The following DNAJC1 variants were observed in gnomAD, a reference collection of about 807,000 sequenced individuals.
DNAJC1 encodes dnaJ homolog subfamily C member 1.
DNAJC1 carries 58 observed loss-of-function variants against 76.6 expected under a neutral mutation model. That is an observed-to-expected ratio of 0.76 (90% CI 0.61 to 0.94). The LOEUF (loss-of-function observed/expected upper bound fraction) is 0.94. Among genes scored for constraint, DNAJC1 ranks in the 40% least tolerant of loss-of-function variants. DNAJC1 has a pLI of 0.00. For missense variants in DNAJC1, 689 were observed against 677.3 expected (o/e 1.02, Z -0.19); for synonymous variants, 258 against 267.9 (o/e 0.96, Z 0.36).
intron 8 of DNAJC1, among the ~76,000 whole-genome samples, chr10:21,876,874 A>T (rs933859599): frequency 2.0e-5 from 3 of 152,224 alleles, no homozygotes; most frequent in African/African-American, 7.2e-5. Context: ...ATCACTACTT[A>T]ATGCCAAACA....
chr10:21,939,758 T>TA (rs1163432123), intron 1 of DNAJC1, among the ~76,000 whole-genome samples: 1 of 152,124 alleles, frequency 6.6e-6, no homozygotes, highest in African/African-American at 2.4e-5. Flanking sequence ...TCCCCATCAT[T>TA]AAGCAGTACT....
intron 8 of DNAJC1, among the ~76,000 whole-genome samples, chr10:21,842,333 G>A (rs943609359): frequency 2.6e-5 from 4 of 152,094 alleles, no homozygotes; most frequent in Non-Finnish European, 5.9e-5. Flanking sequence ...TAGCAGGCAT[G>A]AGATAATAAG....
intron 6 of DNAJC1, among the ~76,000 whole-genome samples, chr10:21,905,508 A>G (rs1836729656): frequency 6.6e-6 from 1 of 152,094 alleles, no homozygotes; most frequent in East Asian, 1.9e-4. Context: ...CATTATTCTG[A>G]TGAACTCTTA....
At chr10:21,794,832 T>A (rs1195729718) in intron 9 of DNAJC1, among the ~76,000 whole-genome samples, 1 of 152,100 alleles carries the variant, frequency 6.6e-6, no homozygotes, top group Non-Finnish European at 1.5e-5. Flanking sequence ...ATGAAAGACT[T>A]GAGTCCATAA....
At chr10:21,993,953 G>GGTAGAGAA (rs1417108951) in intron 1 of DNAJC1, among the ~76,000 whole-genome samples, 1 of 152,000 alleles carries the variant, frequency 6.6e-6, no homozygotes. Flanking sequence ...AGTAGTCCAA[G>GGTAGAGAA]AGTCATTTGC....
intron 8 of DNAJC1, among the ~76,000 whole-genome samples, chr10:21,840,994 C>A (rs909362484): frequency 1.9e-4 from 29 of 152,266 alleles, no homozygotes; most frequent in African/African-American, 6.0e-4. Context: ...CAAAAACAAG[C>A]AATGGGGAAA....
intron 7 of DNAJC1, among the ~76,000 whole-genome samples, chr10:21,890,077 G>A (rs1836435837): frequency 6.6e-6 from 1 of 152,146 alleles, no homozygotes; most frequent in Non-Finnish European, 1.5e-5. Flanking sequence ...CCACCCAGAA[G>A]TAATAGGTGT....
chr10:21,979,679 C>A (rs985255224), intron 1 of DNAJC1, among the ~76,000 whole-genome samples: 2 of 151,370 alleles, frequency 1.3e-5, no homozygotes, highest in Non-Finnish European at 3.0e-5. Flanking sequence ...AGACAGAATA[C>A]CTGTAAAGGA....
chr10:21,904,800 A>G (rs557348081), intron 6 of DNAJC1, among the ~76,000 whole-genome samples, 188 bp from the exon 7 acceptor site: 1 of 152,290 alleles, frequency 6.6e-6, no homozygotes, highest in Admixed American at 6.5e-5. Flanking sequence ...GCCAGTTACA[A>G]TGAGAAATTT....
chr10:21,769,938 G>A (rs541565771), intron 9 of DNAJC1, among the ~76,000 whole-genome samples: 19 of 152,082 alleles, frequency 1.2e-4, no homozygotes, highest in Admixed American at 7.9e-4. Flanking sequence ...CACCCACCTC[G>A]GCCTCCCAAA....
intron 8 of DNAJC1, among the ~76,000 whole-genome samples, chr10:21,859,019 G>A (rs1835883523): frequency 6.6e-6 from 1 of 151,952 alleles, no homozygotes; most frequent in Non-Finnish European, 1.5e-5. Flanking sequence ...AAAATGTCAG[G>A]CAGTTAAAAA....
intron 6 of DNAJC1, among the ~76,000 whole-genome samples, chr10:21,910,124 T>C (rs556360339): frequency 3.9e-5 from 6 of 152,140 alleles, no homozygotes; most frequent in Admixed American, 3.9e-4. Flanking sequence ...CCTTTTTTTT[T>C]TTTCTTTTTC....
chr10:21,923,732 T>G (rs1412304548), intron 3 of DNAJC1, among the ~76,000 whole-genome samples: 1 of 151,812 alleles, frequency 6.6e-6, no homozygotes, highest in Non-Finnish European at 1.5e-5. Flanking sequence ...AAAATATACA[T>G]CAAGAACATA....
chr10:21,814,795 A>G (rs1358818041), intron 8 of DNAJC1, among the ~76,000 whole-genome samples: 1 of 152,234 alleles, frequency 6.6e-6, no homozygotes, highest in Non-Finnish European at 1.5e-5. Context: ...ATAGAATGCT[A>G]AATCCAGTGA....
chr10:21,964,389 G>C (rs1837852723), intron 1 of DNAJC1, among the ~76,000 whole-genome samples: 2 of 151,712 alleles, frequency 1.3e-5, no homozygotes, highest in South Asian at 2.1e-4. Flanking sequence ...TAATTTTTTT[G>C]TATTTTTAGA....
chr10:21,905,528 G>GA (rs1451294779), intron 6 of DNAJC1, among the ~76,000 whole-genome samples: 2 of 152,038 alleles, frequency 1.3e-5, no homozygotes, highest in East Asian at 3.9e-4. Flanking sequence ...ATTAATCCCT[G>GA]AAAACCCATT....
intron 9 of DNAJC1, among the ~76,000 whole-genome samples, chr10:21,793,093 G>A (rs976059094): frequency 2.0e-5 from 3 of 152,120 alleles, no homozygotes; most frequent in African/African-American, 7.2e-5. Context: ...ATCATCCGAG[G>A]TCAGGAGTTC....
At chr10:21,822,733 A>T (rs1835181983) in intron 8 of DNAJC1, among the ~76,000 whole-genome samples, 1 of 152,104 alleles carries the variant, frequency 6.6e-6, no homozygotes, top group Non-Finnish European at 1.5e-5. Context: ...AAACATATCA[A>T]GCCAAATTGC....
chr10:21,865,178 T>G (rs1460965810), intron 8 of DNAJC1, among the ~76,000 whole-genome samples: 2 of 152,122 alleles, frequency 1.3e-5, no homozygotes, highest in Non-Finnish European at 2.9e-5. Flanking sequence ...ATGGTTAAAC[T>G]ATACCTATCA....
Sources: gnomAD v4.1 joint callset for allele counts (sites outside exome capture counted in the v4.1 genomes callset) on GRCh38, gnomAD v4.1.1 for gene constraint, MANE v1.5 for transcripts, NCBI Gene and HGNC (gene_info 2026-07-23, HGNC 2026-07-21) for gene names.